Variants in ANKRD55 observed in about 807,000 individuals in gnomAD.
The protein encoded by ANKRD55 is ankyrin repeat domain 55.
ANKRD55 carries 41 observed loss-of-function variants against 60.6 expected under a neutral mutation model. The observed-to-expected ratio is 0.68, with a 90% CI of 0.53 to 0.88. The LOEUF is 0.88. Among genes scored for constraint, ANKRD55 ranks in the 40% least tolerant of loss-of-function variants. The probability of loss-of-function intolerance (pLI) is 0.00; values close to 1 mark genes in which losing one functional copy is unlikely to be tolerated. For missense variants in ANKRD55, 732 were observed against 767.6 expected, an observed-to-expected ratio of 0.95 and a Z score of 0.55; for synonymous variants, 264 against 290.3, an observed-to-expected ratio of 0.91 and a Z score of 0.92.
chr5:56,205,996 A>G (rs113694929), intron 2 of ANKRD55, among the ~76,000 whole-genome samples: 1 of 137,048 alleles, frequency 7.3e-6, no homozygotes, highest in African/African-American at 2.9e-5. Flanking sequence ...TTTCCTGGAG[A>G]CAGAGTCTGA....
intron 7 of ANKRD55, among the ~76,000 whole-genome samples, chr5:56,137,722 C>T (rs1757645049): frequency 6.6e-6 from 1 of 151,944 alleles, no homozygotes; most frequent in Non-Finnish European, 1.5e-5. Flanking sequence ...AAGGACACTG[C>T]CAAAAGAATA....
chr5:56,205,333 T>C lies in ANKRD55; in HGVS notation c.59-21699A>G, dbSNP rs558390706. ...GCCTCAGCCTCCCAAAGTGCTAGGA[T>C]TATAGGTGTGAGCCACTGCACCTGG... On this transcript the variant is annotated intron_variant, in intron 2 of 11. Transcript: ENST00000341048. Among the ~76,000 whole-genome samples, 26 of 152,342 alleles carry C rather than the reference T, an allele frequency of 1.7e-4. No individual in the cohort carries two copies. In the East Asian group the frequency reaches 4.6e-3, roughly 27 times the overall value.
At chr5:56,147,363 C>A (rs374549990) in intron 6 of ANKRD55, among the ~76,000 whole-genome samples, 55 of 152,200 alleles carry the variant, frequency 3.6e-4, no homozygotes, top group Middle Eastern at 3.4e-3. Flanking sequence ...CTAAAAAATT[C>A]CTTTCTTTGT....
At chr5:56,154,884 G>A (rs1311836684) in intron 6 of ANKRD55, among the ~76,000 whole-genome samples, 2 of 152,036 alleles carry the variant, frequency 1.3e-5, no homozygotes, top group African/African-American at 4.8e-5. Context: ...CCGTGGAGCC[G>A]GGCCTCAAAG....
chr5:56,105,382 C>T (rs902179833), intron 10 of ANKRD55, among the ~76,000 whole-genome samples: 6 of 152,142 alleles, frequency 3.9e-5, no homozygotes, highest in Non-Finnish European at 8.8e-5. Flanking sequence ...CCACCGTGCC[C>T]GGCCAGGTGG....
At chr5:56,228,250 G>C (rs1760167473) in intron 2 of ANKRD55, among the ~76,000 whole-genome samples, 1 of 152,052 alleles carries the variant, frequency 6.6e-6, no homozygotes, top group African/African-American at 2.4e-5. Flanking sequence ...GCAATCACAT[G>C]CATCCTTAAA....
intron 6 of ANKRD55, among the ~76,000 whole-genome samples, chr5:56,153,667 G>A (rs1320368693): frequency 1.3e-5 from 2 of 151,758 alleles, no homozygotes; most frequent in Non-Finnish European, 2.9e-5. Context: ...GTGAAACCCT[G>A]TCTCTACTAA....
intron 2 of ANKRD55, among the ~76,000 whole-genome samples, chr5:56,184,474 T>A (rs1204918189): frequency 6.6e-6 from 1 of 152,196 alleles, no homozygotes; most frequent in Non-Finnish European, 1.5e-5. Context: ...GAAAGTCTCT[T>A]CATTTCAACC....
At chr5:56,152,880 A>G (rs925589785) in intron 6 of ANKRD55, among the ~76,000 whole-genome samples, 2 of 152,148 alleles carry the variant, frequency 1.3e-5, no homozygotes, top group Admixed American at 1.3e-4. Context: ...TTCTTGGGGT[A>G]GAGAAGGCCT....
At chr5:56,164,027 G>A (rs1758391620) in intron 5 of ANKRD55, among the ~76,000 whole-genome samples, 2 of 152,198 alleles carry the variant, frequency 1.3e-5, no homozygotes, top group Admixed American at 6.5e-5. Flanking sequence ...GGGAGGTGGA[G>A]GTTGCAGTGA....
chr5:56,149,378 A>T (rs192641058), intron 6 of ANKRD55, among the ~76,000 whole-genome samples: 2,075 of 152,250 alleles, frequency 0.014, 28 homozygotes, highest in Admixed American at 0.034. Context: ...TGACATTTTT[A>T]AAAAAAGACT....
chr5:56,231,602 C>T (rs982534852), intron 2 of ANKRD55, among the ~76,000 whole-genome samples: 42 of 151,806 alleles, frequency 2.8e-4, no homozygotes, highest in Admixed American at 2.6e-3. Context: ...ACGCCTTTCT[C>T]TATGCTGTTC....
chr5:56,153,201 G>C (rs564784230), intron 6 of ANKRD55, among the ~76,000 whole-genome samples: 1 of 152,016 alleles, frequency 6.6e-6, no homozygotes, highest in South Asian at 2.1e-4. Context: ...CATTAATCAG[G>C]GAAAATGCAA....
chr5:56,204,043 T>C (rs564055815), intron 2 of ANKRD55, among the ~76,000 whole-genome samples: 1 of 152,328 alleles, frequency 6.6e-6, no homozygotes, highest in South Asian at 2.1e-4. Context: ...TGAGATGGTA[T>C]CTCATTGTGG....
chr5:56,159,968 TGA>T, intron 5 of ANKRD55, 75 bp from the exon 6 acceptor site: 1 of 1,344,776 alleles, frequency 7.4e-7, no homozygotes, highest in South Asian at 1.2e-5. Context: ...TATAAAAACA[TGA>T]CCTTAGAAAA....
intron 8 of ANKRD55, among the ~76,000 whole-genome samples, chr5:56,120,732 T>C (rs1757021778): frequency 1.3e-5 from 2 of 151,890 alleles, no homozygotes; most frequent in Admixed American, 1.3e-4. Context: ...ACCCTGTCTC[T>C]ACTAAAAATA....
At chr5:56,119,540 T>C (rs749609757) in intron 8 of ANKRD55, among the ~76,000 whole-genome samples, 41 of 152,142 alleles carry the variant, frequency 2.7e-4, no homozygotes, top group Non-Finnish European at 5.7e-4. Context: ...TTAAAACACA[T>C]AGAACTGTAC....
chr5:56,157,395 C>T (rs1242686457), intron 6 of ANKRD55, among the ~76,000 whole-genome samples: 4 of 152,132 alleles, frequency 2.6e-5, no homozygotes, highest in Non-Finnish European at 5.9e-5. Flanking sequence ...AAGACCTGAC[C>T]GTCCACCAGC....
At chr5:56,184,662 C>T (rs1758928235) in intron 2 of ANKRD55, among the ~76,000 whole-genome samples, 1 of 152,082 alleles carries the variant, frequency 6.6e-6, no homozygotes, top group South Asian at 2.1e-4. Context: ...CTTTGGGAGG[C>T]TGAGGTGGGA....
Sources: allele counts gnomAD v4.1 joint callset (sites outside exome capture counted in the v4.1 genomes callset), GRCh38; gene constraint gnomAD v4.1.1; transcripts MANE v1.5; gene names NCBI Gene and HGNC (gene_info 2026-07-23, HGNC 2026-07-21).